The following TSPAN15 variants were observed in gnomAD, a reference collection of about 807,000 sequenced individuals.
TSPAN15 encodes tetraspanin-15.
Under a neutral mutation model 34.5 loss-of-function variants are expected in TSPAN15, and 20 were observed. The observed-to-expected ratio is 0.58, with a 90% CI of 0.41 to 0.84. TSPAN15 has a LOEUF of 0.84. Among genes scored for constraint, TSPAN15 ranks in the 40% least tolerant of loss-of-function variants. The pLI is 0.00. For missense variants in TSPAN15, 313 were observed against 386.1 expected (o/e 0.81, Z 1.59); for synonymous variants, 155 against 153.9 (o/e 1.01, Z -0.05).
intron 1 of TSPAN15, among the ~76,000 whole-genome samples, chr10:69,461,929 C>T (rs1037134835): frequency 2.7e-5 from 4 of 150,342 alleles, no homozygotes; most frequent in African/African-American, 9.8e-5. Flanking sequence ...GCCACCACCC[C>T]CCCCATCACC....
chr10:69,459,947 T>G (rs1017201423), intron 1 of TSPAN15, among the ~76,000 whole-genome samples: 1 of 148,646 alleles, frequency 6.7e-6, no homozygotes, highest in African/African-American at 2.5e-5. Flanking sequence ...GGAGGGAGAC[T>G]CTAGGGCTCC....
chr10:69,483,622 AGAT>A, intron 1 of TSPAN15, 66 bp from the exon 2 acceptor site: 1 of 1,518,548 alleles, frequency 6.6e-7, no homozygotes, highest in South Asian at 1.3e-5. Context: ...CCACAGCCCC[AGAT>A]GACTCTTTGC....
chr10:69,523,410 G>A, the TSPAN15 span: 1 of 577,862 alleles, frequency 1.7e-6, no homozygotes, highest in South Asian at 1.6e-5. Flanking sequence ...AGTAAAAGCT[G>A]GTGAAGAATA....
chr10:69,457,539 G>C (rs915023780), intron 1 of TSPAN15, among the ~76,000 whole-genome samples: 1 of 152,160 alleles, frequency 6.6e-6, no homozygotes, highest in Non-Finnish European at 1.5e-5. Context: ...TGGGAGTTGG[G>C]GGCAAGTAGG....
the TSPAN15 span, among the ~76,000 whole-genome samples, chr10:69,521,353 T>C: frequency 1.4e-5 from 2 of 144,602 alleles, no homozygotes; most frequent in African/African-American, 2.5e-5. Context: ...CTACTAAAAA[T>C]ACAAAAATTA....
the TSPAN15 span, among the ~76,000 whole-genome samples, chr10:69,543,886 T>C: frequency 7.0e-6 from 1 of 143,690 alleles, no homozygotes; most frequent in Non-Finnish European, 1.6e-5. Flanking sequence ...TGTGTGTGTG[T>C]GTGTGTGTGT....
At chr10:69,537,763 C>G in the TSPAN15 span, among the ~76,000 whole-genome samples, 1 of 152,168 alleles carries the variant, frequency 6.6e-6, no homozygotes, top group African/African-American at 2.4e-5. Context: ...TGATTCCGTC[C>G]CTAACAGGAA....
chr10:69,488,385 C>T (rs919792806), intron 3 of TSPAN15, among the ~76,000 whole-genome samples: 7 of 152,092 alleles, frequency 4.6e-5, no homozygotes, highest in Non-Finnish European at 8.8e-5. Context: ...GGTGATTTCC[C>T]AATTCCATTT....
intron 1 of TSPAN15, among the ~76,000 whole-genome samples, chr10:69,455,624 C>T (rs1841084133): frequency 4.5e-5 from 4 of 88,806 alleles, no homozygotes; most frequent in African/African-American, 1.9e-4. Flanking sequence ...CTCTCTCTCT[C>T]TCCCCCCCCC....
chr10:69,495,425 T>G (rs1842057950), intron 3 of TSPAN15, 169 bp from the exon 4 acceptor site: 1 of 600,306 alleles, frequency 1.7e-6, no homozygotes, highest in Non-Finnish European at 3.0e-6. Context: ...GATGTGTGGG[T>G]AGGGAGGTCA....
At chr10:69,532,833 G>T in the TSPAN15 span, among the ~76,000 whole-genome samples, 1 of 151,970 alleles carries the variant, frequency 6.6e-6, no homozygotes, top group Non-Finnish European at 1.5e-5. Flanking sequence ...AAATCATCAA[G>T]AAAAAAGCAA....
At chr10:69,533,259 C>A in the TSPAN15 span, among the ~76,000 whole-genome samples, 1 of 152,072 alleles carries the variant, frequency 6.6e-6, no homozygotes, top group African/African-American at 2.4e-5. Context: ...ATCATGGAAC[C>A]AACTCAAATG....
intron 1 of TSPAN15, among the ~76,000 whole-genome samples, chr10:69,465,708 C>T (rs1207630508): frequency 2.0e-5 from 3 of 152,176 alleles, no homozygotes; most frequent in Non-Finnish European, 2.9e-5. Flanking sequence ...CTCTCTCTCT[C>T]GGCAGACTTA....
chr10:69,522,509 G>A, the TSPAN15 span, among the ~76,000 whole-genome samples: 2 of 145,466 alleles, frequency 1.4e-5, no homozygotes, highest in African/African-American at 2.5e-5. Flanking sequence ...GATATATCAG[G>A]AGTCTCTGAC....
rs966356197 is a variant in TSPAN15, at chr10:69,495,674, C to G, written c.438C>G (p.Asp146Glu). ...ATCTGGACTTCAAAAACATCATGGA[C>G]TTTGTTCAGAAAAAGGTGAGCCAGG... The part of the protein sequence containing the change: ...YDDLDFKNIM[D>E]FVQKKFKCCG... Residue 146 changes from aspartate (D) to glutamate (E), a missense_variant, in exon 4 of 8, where the codon GAC becomes GAG. Transcript: ENST00000373290. 2 of 1,613,678 alleles carry G rather than the reference C, an allele frequency of 1.2e-6. No individual in the cohort carries two copies. Among genetic ancestry groups the G allele is most frequent in the Admixed American group, 3.3e-5 (2 of 60,008 alleles).
At chr10:69,546,512 G>A in the TSPAN15 span, among the ~76,000 whole-genome samples, 1 of 152,130 alleles carries the variant, frequency 6.6e-6, no homozygotes, top group South Asian at 2.1e-4. Flanking sequence ...CTGAACTCAT[G>A]CTTCCTCCAA....
the TSPAN15 span, among the ~76,000 whole-genome samples, chr10:69,529,790 A>C: frequency 6.8e-6 from 1 of 147,352 alleles, no homozygotes; most frequent in Non-Finnish European, 1.5e-5. Context: ...TGCACCCATC[A>C]TACAAACAGT....
intron 1 of TSPAN15, among the ~76,000 whole-genome samples, chr10:69,481,423 C>A (rs1002411454): frequency 1.3e-5 from 2 of 152,170 alleles, no homozygotes; most frequent in Admixed American, 1.3e-4. Flanking sequence ...CCTGGTAATC[C>A]TCTGTTATCC....
the TSPAN15 span, among the ~76,000 whole-genome samples, chr10:69,547,467 A>G: frequency 1.3e-5 from 2 of 152,138 alleles, no homozygotes; most frequent in African/African-American, 4.8e-5. Flanking sequence ...TGTTGTTGCT[A>G]TTCTGCCATT....
Sources: allele counts gnomAD v4.1 joint callset (sites outside exome capture counted in the v4.1 genomes callset), GRCh38; gene constraint gnomAD v4.1.1; transcripts MANE v1.5; gene names NCBI Gene and HGNC (gene_info 2026-07-23, HGNC 2026-07-21).